The following AFF3 variants were observed in gnomAD, a reference collection of about 807,000 sequenced individuals.
AFF3 encodes ALF transcription elongation factor 3.
AFF3 carries 32 observed loss-of-function variants against 129.7 expected under a neutral mutation model. That is an observed-to-expected ratio of 0.25 (90% CI 0.19 to 0.33). AFF3 has a LOEUF of 0.33. Among genes scored for constraint, AFF3 ranks in the 10% least tolerant of loss-of-function variants. AFF3 has a pLI of 1.00. For missense variants in AFF3, 1,373 were observed against 1,592.0 expected (o/e 0.86, Z 2.34); for synonymous variants, 644 against 635.4 (o/e 1.01, Z -0.20).
At chr2:99,753,654 G>A (rs983725722) in intron 8 of AFF3, among the ~76,000 whole-genome samples, 2 of 152,128 alleles carry the variant, frequency 1.3e-5, no homozygotes, top group Non-Finnish European at 2.9e-5. Flanking sequence ...AACCCACACA[G>A]GAAGCCGTGG....
intron 7 of AFF3, among the ~76,000 whole-genome samples, chr2:99,857,136 T>C (rs933910741): frequency 6.6e-6 from 1 of 152,212 alleles, no homozygotes; most frequent in Non-Finnish European, 1.5e-5. Flanking sequence ...TGAATATTTA[T>C]TTTCTTACAG....
chr2:99,547,402 G>T lies in AFF3; in HGVS notation c.*4072C>A. 1 of 218,056 alleles carries T rather than the reference G, an allele frequency of 4.6e-6. No individual in the cohort carries two copies. The highest frequency in any genetic ancestry group is 9.2e-6 in the Non-Finnish European group (1 of 108,256). The allele number at this position is 218,056 out of a possible 1,614,324, so 13.5% of individuals were successfully genotyped here. ...AATATCCTGTACATGCATTAAGGCT[G>T]GTGACTGCTAAAGTCTCTTGGGAAT... On this transcript the variant is annotated 3_prime_UTR_variant, in exon 25 of 25. Coordinates refer to ENST00000672756, the MANE Select transcript of AFF3 (RefSeq NM_001386135.1).
intron 9 of AFF3, among the ~76,000 whole-genome samples, chr2:99,751,450 T>G (rs1396029421): frequency 6.6e-6 from 1 of 152,174 alleles, no homozygotes; most frequent in Non-Finnish European, 1.5e-5. Context: ...AAATCAACTT[T>G]TGGAAAAAAT....
chr2:99,888,730 T>C (rs536994588), intron 7 of AFF3, among the ~76,000 whole-genome samples: 3 of 152,272 alleles, frequency 2.0e-5, no homozygotes, highest in South Asian at 2.1e-4. Context: ...TTTTTAAGCA[T>C]GCAGCTGTCT....
intron 4 of AFF3, among the ~76,000 whole-genome samples, chr2:100,099,834 C>G (rs55763725): frequency 1.8e-4 from 28 of 152,082 alleles, no homozygotes; most frequent in Non-Finnish European, 4.1e-4. Flanking sequence ...AGGAAATATC[C>G]AAGTGTATCA....
chr2:99,561,977 T>C (rs574620999), intron 20 of AFF3, among the ~76,000 whole-genome samples: 36 of 152,320 alleles, frequency 2.4e-4, no homozygotes, highest in Middle Eastern at 3.4e-3. Flanking sequence ...TTTGAACCCT[T>C]GGAAACTGTC....
At chr2:99,614,339 G>A (rs541967986) in intron 13 of AFF3, among the ~76,000 whole-genome samples, 1 of 152,316 alleles carries the variant, frequency 6.6e-6, no homozygotes, top group South Asian at 2.1e-4. Flanking sequence ...CACTGCTGAT[G>A]CTATTGTAGC....
intron 8 of AFF3, among the ~76,000 whole-genome samples, chr2:99,764,622 T>A (rs775585866): frequency 6.6e-6 from 1 of 152,224 alleles, no homozygotes; most frequent in Non-Finnish European, 1.5e-5. Flanking sequence ...AAAAATAATA[T>A]GATTCTCATT....
chr2:100,113,335 C>T (rs1350553296), intron 2 of AFF3, among the ~76,000 whole-genome samples: 1 of 152,208 alleles, frequency 6.6e-6, no homozygotes, highest in Non-Finnish European at 1.5e-5. Context: ...TGCACTTACT[C>T]ATCCTTGAAT....
chr2:100,130,184 G>A (rs575416732), intron 1 of AFF3, among the ~76,000 whole-genome samples: 36 of 152,310 alleles, frequency 2.4e-4, no homozygotes, highest in African/African-American at 7.0e-4. Context: ...GGTAGGATGC[G>A]TGAAGTTTCC....
chr2:99,656,823 A>G (rs1352900118), intron 12 of AFF3, among the ~76,000 whole-genome samples: 1 of 152,092 alleles, frequency 6.6e-6, no homozygotes, highest in Non-Finnish European at 1.5e-5. Flanking sequence ...AGTCTTTTGC[A>G]TTTTCGGATT....
intron 7 of AFF3, among the ~76,000 whole-genome samples, chr2:99,980,834 T>A (rs369001247): frequency 2.0e-5 from 3 of 152,184 alleles, no homozygotes; most frequent in African/African-American, 4.8e-5. Flanking sequence ...CTGTAACAAT[T>A]GGAAAAGAGC....
intron 13 of AFF3, among the ~76,000 whole-genome samples, chr2:99,621,749 T>C (rs1240713745): frequency 1.3e-5 from 2 of 152,074 alleles, no homozygotes; most frequent in African/African-American, 4.8e-5. Flanking sequence ...GAACGAGGAG[T>C]AGAGTTTCCA....
intron 7 of AFF3, among the ~76,000 whole-genome samples, chr2:99,884,985 C>A (rs1171936801): frequency 6.6e-6 from 1 of 152,154 alleles, no homozygotes; most frequent in Non-Finnish European, 1.5e-5. Flanking sequence ...CAACTGCCCA[C>A]CGCTTCCAAA....
At chr2:99,966,771 A>T (rs1340624772) in intron 7 of AFF3, among the ~76,000 whole-genome samples, 1 of 149,412 alleles carries the variant, frequency 6.7e-6, no homozygotes, top group Non-Finnish European at 1.5e-5. Flanking sequence ...CAATAGAGAT[A>T]TTATTTTTAA....
At chr2:99,831,085 G>C (rs962878211) in intron 8 of AFF3, among the ~76,000 whole-genome samples, 4 of 152,196 alleles carry the variant, frequency 2.6e-5, no homozygotes, top group Admixed American at 2.6e-4. Flanking sequence ...GAGGAAACTG[G>C]AGTCCCAGAG....
chr2:99,631,645 C>T (rs894349706), intron 13 of AFF3, among the ~76,000 whole-genome samples: 1 of 152,194 alleles, frequency 6.6e-6, no homozygotes, highest in African/African-American at 2.4e-5. Context: ...AGCAAAATGT[C>T]CTCAAGATTC....
intron 11 of AFF3, among the ~76,000 whole-genome samples, chr2:99,725,996 G>A (rs957967889): frequency 6.1e-4 from 93 of 151,986 alleles, no homozygotes; most frequent in Admixed American, 3.3e-4. Flanking sequence ...CCTCCAGATG[G>A]CATTAAAAGC....
intron 7 of AFF3, among the ~76,000 whole-genome samples, chr2:99,887,643 A>G (rs1693214110): frequency 6.6e-6 from 1 of 152,254 alleles, no homozygotes; most frequent in Non-Finnish European, 1.5e-5. Context: ...ATCATGGTTC[A>G]TAACACAACA....
Sources: gnomAD v4.1 joint callset for allele counts (sites outside exome capture counted in the v4.1 genomes callset) on GRCh38, gnomAD v4.1.1 for gene constraint, MANE v1.5 for transcripts, NCBI Gene and HGNC (gene_info 2026-07-23, HGNC 2026-07-21) for gene names.